HYCC1: variants seen among roughly 807,000 people sequenced by gnomAD.
HYCC1 encodes hyccin.
the HYCC1 span, chr7:22,946,148 G>C: frequency 3.7e-6 from 6 of 1,612,018 alleles, no homozygotes; most frequent in Non-Finnish European, 5.1e-6. Flanking sequence ...TTCTTGACCT[G>C]TTAATTCTGT....
the HYCC1 span, among the ~76,000 whole-genome samples, chr7:22,984,940 G>A: frequency 6.6e-6 from 1 of 152,084 alleles, no homozygotes; most frequent in Non-Finnish European, 1.5e-5. Context: ...GTAATGGGAA[G>A]AGATAAAACT....
At chr7:22,944,372 T>A in the HYCC1 span, 3 of 152,180 alleles carry the variant, frequency 2.0e-5, no homozygotes. Context: ...ACATACAAGT[T>A]TGTTTCAACT....
the HYCC1 span, among the ~76,000 whole-genome samples, chr7:22,988,906 A>G: frequency 6.6e-6 from 1 of 152,054 alleles, no homozygotes; most frequent in Non-Finnish European, 1.5e-5. Context: ...TTCCTCAGAC[A>G]CTACTGCTGT....
chr7:22,924,256 C>T, the HYCC1 span, among the ~76,000 whole-genome samples: 2 of 151,360 alleles, frequency 1.3e-5, no homozygotes, highest in South Asian at 2.1e-4. Flanking sequence ...CCAGCATGAG[C>T]GATGCAGAAG....
At chr7:22,986,772 C>T in the HYCC1 span, among the ~76,000 whole-genome samples, 3 of 152,124 alleles carry the variant, frequency 2.0e-5, no homozygotes, top group Admixed American at 6.5e-5. Flanking sequence ...CGCTTGAACC[C>T]GGGAGGCAGA....
At chr7:22,912,955 C>G in the HYCC1 span, among the ~76,000 whole-genome samples, 4 of 152,084 alleles carry the variant, frequency 2.6e-5, no homozygotes, top group Non-Finnish European at 1.5e-5. Context: ...TGAAACCTGT[C>G]TCTAGTAAAA....
At chr7:23,005,727 A>G in the HYCC1 span, among the ~76,000 whole-genome samples, 1 of 152,202 alleles carries the variant, frequency 6.6e-6, no homozygotes, top group African/African-American at 2.4e-5. Flanking sequence ...ACCTGAAGCA[A>G]GAGTCTTCCT....
the HYCC1 span, among the ~76,000 whole-genome samples, chr7:22,906,038 A>G: frequency 6.6e-6 from 1 of 152,208 alleles, no homozygotes; most frequent in African/African-American, 2.4e-5. Context: ...ACTATCATAC[A>G]GTGCCATTAC....
chr7:22,903,442 T>C, the HYCC1 span, among the ~76,000 whole-genome samples: 1 of 152,154 alleles, frequency 6.6e-6, no homozygotes, highest in East Asian at 1.9e-4. Context: ...TGAAAAACCT[T>C]ATGCCAACAA....
the HYCC1 span, among the ~76,000 whole-genome samples, chr7:22,949,990 T>G: frequency 6.6e-6 from 1 of 151,992 alleles, no homozygotes; most frequent in Admixed American, 6.6e-5. Flanking sequence ...AACATAATTC[T>G]CAGGAAAACT....
chr7:22,947,436 T>C, the HYCC1 span, among the ~76,000 whole-genome samples: 5 of 152,098 alleles, frequency 3.3e-5, no homozygotes, highest in African/African-American at 1.2e-4. Flanking sequence ...GTCATATTCT[T>C]TAATTTTAAA....
chr7:22,989,124 T>C, the HYCC1 span, among the ~76,000 whole-genome samples: 5 of 152,304 alleles, frequency 3.3e-5, no homozygotes, highest in East Asian at 9.6e-4. Context: ...AAAGAATGGA[T>C]AGCTGTCGAC....
the HYCC1 span, among the ~76,000 whole-genome samples, chr7:22,925,832 TG>T: frequency 1.6e-4 from 25 of 152,196 alleles, no homozygotes; most frequent in East Asian, 3.7e-3. Flanking sequence ...ATACAGAGAA[TG>T]CTACAAAGAT....
At chr7:23,009,364 T>C in the HYCC1 span, among the ~76,000 whole-genome samples, 3 of 152,152 alleles carry the variant, frequency 2.0e-5, no homozygotes, top group Admixed American at 6.5e-5. Context: ...ATTTCCACTC[T>C]TTTAGGCTGC....
the HYCC1 span, among the ~76,000 whole-genome samples, chr7:22,919,576 G>T: frequency 1.3e-5 from 2 of 151,578 alleles, no homozygotes; most frequent in Non-Finnish European, 2.9e-5. Context: ...CCATCAAGTA[G>T]AGAGTATCAA....
At chr7:22,970,872 C>G in the HYCC1 span, among the ~76,000 whole-genome samples, 2 of 152,208 alleles carry the variant, frequency 1.3e-5, no homozygotes. Flanking sequence ...CTGAAGTTCT[C>G]TGATTTCCCT....
the HYCC1 span, among the ~76,000 whole-genome samples, chr7:22,982,093 T>C: frequency 4.6e-5 from 7 of 152,036 alleles, no homozygotes; most frequent in Non-Finnish European, 8.8e-5. Flanking sequence ...AAATAATAAA[T>C]GATCAACAAC....
At chr7:22,975,160 T>C in the HYCC1 span, among the ~76,000 whole-genome samples, 1 of 152,126 alleles carries the variant, frequency 6.6e-6, no homozygotes. Flanking sequence ...TTCTATAATA[T>C]CTCTTATTTA....
chr7:22,917,656 C>T, the HYCC1 span, among the ~76,000 whole-genome samples: 1 of 152,188 alleles, frequency 6.6e-6, no homozygotes, highest in Non-Finnish European at 1.5e-5. Context: ...TGGGTTTGGC[C>T]TTCCCACCTC....
Sources: allele counts gnomAD v4.1 joint callset (sites outside exome capture counted in the v4.1 genomes callset), GRCh38; gene constraint gnomAD v4.1.1; transcripts MANE v1.5; gene names NCBI Gene and HGNC (gene_info 2026-07-23, HGNC 2026-07-21).